PHF10: variants seen among roughly 807,000 people sequenced by gnomAD.
The protein encoded by PHF10 is PHD finger protein 10.
A neutral mutation model predicts 68.5 loss-of-function variants in PHF10; 51 were observed. The observed-to-expected ratio is 0.74, with a 90% CI of 0.59 to 0.94. The LOEUF (loss-of-function observed/expected upper bound fraction) is 0.94, where lower values mean the gene tolerates loss of function less well. Ranked by LOEUF, PHF10 falls within the 40% of genes least tolerant of loss-of-function variation. The probability of loss-of-function intolerance (pLI) is 0.00; values close to 1 mark genes in which losing one functional copy is unlikely to be tolerated. For synonymous variants in PHF10, 204 were observed against 203.5 expected (o/e 1.00, Z -0.02); for missense variants, 460 against 602.6 (o/e 0.76, Z 2.48).
intron 8 of PHF10, among the ~76,000 whole-genome samples, chr6:169,711,507 A>G (rs142330946): frequency 6.6e-6 from 1 of 152,298 alleles, no homozygotes; most frequent in African/African-American, 2.4e-5. Flanking sequence ...TTAAATTGGT[A>G]AGACTGTCAA....
chr6:169,714,088 T>C (rs1290396319), intron 7 of PHF10, among the ~76,000 whole-genome samples: 2 of 148,632 alleles, frequency 1.3e-5, no homozygotes, highest in Admixed American at 6.8e-5. Context: ...ACTACCACAC[T>C]CCATCCTGGG....
chr6:169,706,711 G>GACATACAT (rs202098084), intron 9 of PHF10, among the ~76,000 whole-genome samples: 12 of 136,602 alleles, frequency 8.8e-5, no homozygotes, highest in South Asian at 2.4e-4. Context: ...GGGGTAAGGG[G>GACATACAT]ACATACATAC....
chr6:169,711,286 T>A (rs1275767522), intron 8 of PHF10, among the ~76,000 whole-genome samples: 1 of 152,210 alleles, frequency 6.6e-6, no homozygotes, highest in Non-Finnish European at 1.5e-5. Context: ...TTTCTCACAA[T>A]CATTAAATAT....
intron 2 of PHF10, chr6:169,719,281 C>T (rs569104354): frequency 5.7e-6 from 1 of 176,688 alleles, no homozygotes; most frequent in African/African-American, 2.4e-5. Context: ...AGTATTTCAT[C>T]CACCCAAAGA....
At position 169,704,034 on chromosome 6, in the gene PHF10, C is replaced by A; in HGVS notation, c.1466G>T (p.Gly489Val). The A allele has an allele frequency of 1.9e-6, 3 of 1,600,212 alleles. No individual in the cohort carries two copies. The highest frequency in any genetic ancestry group is 1.7e-4 in the Middle Eastern group (1 of 6,036). ...QRAPPTPRKV[G>V]RRGKNSKEG ...CTCTTTGCTGTTTTTCCCCCTTCTGCCCACTTTCCTGGGTGTTGGGGGGGC... is the reference window on the plus strand; with the variant it reads ...CTCTTTGCTGTTTTTCCCCCTTCTGACCACTTTCCTGGGTGTTGGGGGGGC... Residue 489 changes from glycine to valine, a missense_variant, in exon 12 of 12, where the codon GGC (glycine) becomes GTC (valine). Transcript: ENST00000339209.
At chr6:169,707,973 T>C (rs963473278) in intron 9 of PHF10, 1 of 152,118 alleles carries the variant, frequency 6.6e-6, no homozygotes, top group African/African-American at 2.4e-5. Context: ...AACTGTGGCT[T>C]AGAGAAGCCA....
At chr6:169,707,845 G>A (rs1481912082) in intron 9 of PHF10, 2 of 152,154 alleles carry the variant, frequency 1.3e-5, no homozygotes. Context: ...TGAGAGAAGG[G>A]GAAGAGAGAC....
Position 169,724,179 on chromosome 6 carries a change from G to A in PHF10, c.-248C>T, listed in dbSNP as rs1248647730. 1 of 146,124 alleles carries A rather than the reference G, an allele frequency of 6.8e-6. No homozygotes were observed. Among genetic ancestry groups the A allele is most frequent in the Non-Finnish European group, 1.5e-5 (1 of 65,822 alleles). 9.1% of individuals were successfully genotyped at this position (146,124 alleles called of 1,614,324 possible). ...GCGGGAGGGCGCCAAAGGCTGGGAG[G>A]GCGCGGGGCTGCGGGCCGGAATGGA... is the stretch of plus-strand genomic sequence containing the variant. On this transcript the variant is annotated 5_prime_UTR_variant, in exon 1 of 12. Coordinates refer to ENST00000339209, the MANE Select transcript of PHF10 (RefSeq NM_018288.4).
In PHF10 at chr6:169,712,413, AT is replaced by A; in HGVS notation, c.929del (p.Asp310ValfsTer75). The stretch of plus-strand genomic sequence containing the variant: ...AAGTGCCTTTATTTTTCCGTTTCTC[AT>A]CACCTCGACCATCTTCGCCATCATC... ...DSDDGEDGRGDEKRKNKGTSD... is the reference protein window; with the variant it reads ...DSDDGEDGRGXEKRKNKGTSD... On this transcript the variant is annotated frameshift_variant, in exon 8 of 12. Transcript: ENST00000339209. LOFTEE classifies it high-confidence loss of function. The A allele has an allele frequency of 6.2e-7, 1 of 1,614,140 alleles. No homozygotes were observed. The highest frequency in any genetic ancestry group is 8.5e-7 in the Non-Finnish European group (1 of 1,179,972).
At chr6:169,719,727 T>C (rs569586951) in intron 2 of PHF10, among the ~76,000 whole-genome samples, 2 of 152,184 alleles carry the variant, frequency 1.3e-5, no homozygotes, top group South Asian at 4.2e-4. Context: ...AGAAAACTCT[T>C]AGAAGAAAAC....
chr6:169,712,186 G>A (rs536506655), intron 8 of PHF10, among the ~76,000 whole-genome samples, 200 bp downstream of exon 8: 1 of 152,140 alleles, frequency 6.6e-6, no homozygotes, highest in African/African-American at 2.4e-5. Flanking sequence ...ACAAAGGGGC[G>A]ATTTTAAGCA....
chr6:169,706,085 GACTT>G lies in PHF10; in HGVS notation c.1114-365_1114-362del, dbSNP rs5881839. Among the ~76,000 whole-genome samples the G allele has an allele frequency of 1.7e-3, 252 of 152,154 alleles. 4 individuals carry two copies. The East Asian group carries it at 0.038, about 23-fold the overall frequency. On this transcript the variant is annotated intron_variant, in intron 9 of 11. Coordinates refer to ENST00000339209, the MANE Select transcript of PHF10 (RefSeq NM_018288.4). ...AGTAGCAAATGACCATTATGTGTAA[GACTT>G]ACTCTAAAAAGACCATTTTAAATAG...
chr6:169,707,922 A>G (rs1036127340), intron 9 of PHF10: 12 of 152,180 alleles, frequency 7.9e-5, no homozygotes, highest in Admixed American at 6.5e-4. Context: ...CTCTCTAAGA[A>G]GCCACAGTGC....
At chr6:169,713,014 A>G (rs1260380404) in intron 7 of PHF10, among the ~76,000 whole-genome samples, 1 of 152,198 alleles carries the variant, frequency 6.6e-6, no homozygotes, top group Non-Finnish European at 1.5e-5. Context: ...ATTACTTAAA[A>G]TAATAACATA....
rs1276288844 is a variant in PHF10 at position 169,721,109 on chromosome 6, A to C, written c.90T>G (p.Asp30Glu). The C allele has an allele frequency of 2.7e-6, 4 of 1,458,266 alleles. No individual in the cohort carries two copies. The East Asian group carries it at 7.4e-5, about 27-fold the overall frequency. The allele number at this position is 1,458,266 out of a possible 1,614,324, so 90.3% of individuals were successfully genotyped here. ...PATPGAQSPK[D>E]DNEDNSNDGT... ...CATCATTTGAATTATCTTCATTATCATCCTATACATTTAAAAGATTCAAAA... is the reference window on the plus strand; with the variant it reads ...CATCATTTGAATTATCTTCATTATCCTCCTATACATTTAAAAGATTCAAAA... Residue 30 changes from aspartate to glutamate, a missense_variant and splice_region_variant, in exon 2 of 12, where the codon GAT becomes GAG. By Grantham distance (45) the Asp-to-Glu change is conservative (BLOSUM62 2). Coordinates refer to ENST00000339209, the MANE Select transcript of PHF10 (RefSeq NM_018288.4).
intron 3 of PHF10, 62 bp downstream of exon 3, chr6:169,718,726 T>G: frequency 1.0e-6 from 1 of 963,386 alleles, no homozygotes; most frequent in South Asian, 1.6e-5. Context: ...AATTCAGAAG[T>G]TGACAGTGTA....
At chr6:169,722,607 G>C (rs9478098) in intron 1 of PHF10, among the ~76,000 whole-genome samples, 15,629 of 152,248 alleles carry the variant, frequency 0.1, 849 homozygotes, top group Middle Eastern at 0.11. Flanking sequence ...ATTATATAAA[G>C]TGAGCATCTG....
chr6:169,718,935 A>G lies in PHF10; in HGVS notation c.195-17T>C, dbSNP rs41265399. On this transcript the variant is annotated splice_polypyrimidine_tract_variant and intron_variant, in intron 2 of 11. Transcript: ENST00000339209. ...TAACTAAAACTAAGTACAGAAATAC[A>G]TATTATGCATTAAATGTAGCTTTCA... 2 of 1,457,946 alleles carry G rather than the reference A, an allele frequency of 1.4e-6. No homozygotes were observed. The highest frequency in any genetic ancestry group is 1.8e-5 in the Admixed American group (1 of 56,242). 90.3% of individuals were successfully genotyped at this position (1,457,946 alleles called of 1,614,324 possible).
In PHF10 at chr6:169,723,983, G is replaced by GGCCGCCGCCGCCGCCGCCGCC. The variant is rs1206663921; in HGVS notation, c.-53_-52insGGCGGCGGCGGCGGCGGCGGC. ...GCCGCCGTCGCCTCCGCCTTGTCCC[G>GGCCGCCGCCGCCGCCGCCGCC]GCCGCCGCCGCCGCTGCCGCCGCCG... On this transcript the variant is annotated 5_prime_UTR_variant, in exon 1 of 12. Coordinates refer to ENST00000339209, the MANE Select transcript of PHF10 (RefSeq NM_018288.4). The GGCCGCCGCCGCCGCCGCCGCC allele has an allele frequency of 2.0e-6, 1 of 507,074 alleles. No homozygotes were observed. Among genetic ancestry groups the GGCCGCCGCCGCCGCCGCCGCC allele is most frequent in the African/African-American group, 2.2e-5 (1 of 45,494 alleles). The allele number at this position is 507,074 out of a possible 1,614,324, so 31.4% of individuals were successfully genotyped here. A position where few individuals can be genotyped will look rare whatever the true frequency, so the allele number is the denominator to read the frequency against.
Sources: allele counts gnomAD v4.1 joint callset (sites outside exome capture counted in the v4.1 genomes callset), GRCh38; gene constraint gnomAD v4.1.1; transcripts MANE v1.5; gene names NCBI Gene and HGNC (gene_info 2026-07-23, HGNC 2026-07-21).